RNF213: variants seen among roughly 807,000 people sequenced by gnomAD.
RNF213 encodes E3 ubiquitin-protein ligase RNF213.
RNF213 carries 341 observed loss-of-function variants against 514.4 expected under a neutral mutation model. The ratio of observed to expected loss-of-function variants is 0.66; its 90% confidence interval spans 0.61 to 0.73. RNF213 has a LOEUF of 0.73. RNF213 is among the 30% of genes least tolerant of loss of function. The pLI, the probability that RNF213 is intolerant of heterozygous loss-of-function variation, is 0.00. For synonymous variants in RNF213, 2,655 were observed against 2,658.2 expected, an observed-to-expected ratio of 1.00 and a Z score of 0.04; for missense variants, 5,767 against 6,615.6, an observed-to-expected ratio of 0.87 and a Z score of 4.45.
At position 80,381,389 on chromosome 17, in the gene RNF213, G is replaced by C. The variant is rs2079995337; in HGVS notation, c.13798-158G>C. 5.2e-6 allele frequency: 4 copies of C among 776,600 alleles called. No homozygotes were observed. In the East Asian group the frequency reaches 1.0e-4, roughly 20 times the overall value. 48.1% of individuals were successfully genotyped at this position (776,600 alleles called of 1,614,324 possible). Reference sequence around the variant, plus strand: ...AGAAAAGCCAGCAGCCGTTCCGCTTGCTAGCCTTCCTTTCACCTGGATCAC... The same window carrying C: ...AGAAAAGCCAGCAGCCGTTCCGCTTCCTAGCCTTCCTTTCACCTGGATCAC... On this transcript the variant is annotated intron_variant, in intron 56 of 67. Transcript: ENST00000582970.
At position 80,339,594 on chromosome 17, in the gene RNF213, AG is replaced by A; in HGVS notation, c.5230del (p.Ala1744ProfsTer14). ...CAACTGCACCCTGAGGGATGTCTTA[AG>A]GGCCTCTGTGGGGTGTGGGAGTGAG... ...KSNCTLRDVL[R>X]ASVGCGSEAA... On this transcript the variant is annotated frameshift_variant, in exon 26 of 68. Coordinates refer to ENST00000582970, the MANE Select transcript of RNF213 (RefSeq NM_001256071.3). LOFTEE classifies it high-confidence loss of function. 1 of 1,537,210 alleles carries A rather than the reference AG, an allele frequency of 6.5e-7. No homozygotes were observed. The highest frequency in any genetic ancestry group is 8.7e-7 in the Non-Finnish European group (1 of 1,146,898).
intron 8 of RNF213, among the ~76,000 whole-genome samples, chr17:80,292,800 C>A (rs370878729): frequency 6.6e-6 from 1 of 152,112 alleles, no homozygotes; most frequent in Admixed American, 6.5e-5. Context: ...CCTCGCTCCC[C>A]CTCCCTGCAC....
chr17:80,326,634 C>A (rs140796877), intron 18 of RNF213, among the ~76,000 whole-genome samples: 29 of 152,284 alleles, frequency 1.9e-4, no homozygotes, highest in African/African-American at 5.1e-4. Context: ...TCCAGAATGT[C>A]CTATGGTTGG....
At chr17:80,386,138 C>G in intron 61 of RNF213, 112 bp from the exon 62 acceptor site, 1 of 1,044,900 alleles carries the variant, frequency 9.6e-7, no homozygotes, top group Non-Finnish European at 1.5e-6. Context: ...AACCGAGACC[C>G]GGCTCCCGGC....
At chr17:80,326,875 G>A (rs532186904) in intron 18 of RNF213, among the ~76,000 whole-genome samples, 2 of 152,196 alleles carry the variant, frequency 1.3e-5, no homozygotes, top group African/African-American at 4.8e-5. Flanking sequence ...TTCTTATGGT[G>A]CAGATAAGCT....
At chr17:80,367,654 C>G in intron 42 of RNF213, 94 bp from the exon 43 acceptor site, 2 of 919,060 alleles carry the variant, frequency 2.2e-6, no homozygotes, top group South Asian at 2.7e-5. Context: ...CACGGCGCAG[C>G]CTTGGCCCTG....
intron 15 of RNF213, among the ~76,000 whole-genome samples, chr17:80,316,949 G>T (rs2045967291): frequency 6.6e-6 from 1 of 152,262 alleles, no homozygotes; most frequent in Non-Finnish European, 1.5e-5. Context: ...AAAGCCGGTT[G>T]TGCAGTAGGA....
Position 80,317,094 on chromosome 17 carries a change from G to A in RNF213, c.2812-94G>A, listed in dbSNP as rs1017980371. The A allele has an allele frequency of 3.7e-6, 5 of 1,358,366 alleles. No individual in the cohort carries two copies. The African/African-American group carries it at 7.1e-5, about 19-fold the overall frequency. 84.1% of individuals were successfully genotyped at this position (1,358,366 alleles called of 1,614,324 possible). ...GTGTTCGCGGAGTCCCGCGCTCTCT[G>A]TATTGCCGTAATGCTCTGTCTTTCT... On this transcript the variant is annotated intron_variant, in intron 15 of 67. Transcript: ENST00000582970. The surrounding 1 kb of genome is among the most constrained non-coding windows in gnomAD (Gnocchi z 4.1).
At position 80,263,550 on chromosome 17, in the gene RNF213, G is replaced by T; in HGVS notation, c.-108-24G>T. On this transcript the variant is annotated intron_variant, in intron 1 of 67. Transcript: ENST00000582970. This position sits in a 1 kb window ranked among gnomAD's most constrained non-coding sequence, Gnocchi z 4.9. ...TTCCATTAACCAGGGGACCAGCTGG[G>T]CTGCTGTGATTTCACTTTCGCAGAA... The T allele has an allele frequency of 1.3e-6, 1 of 785,526 alleles. No individual in the cohort carries two copies. Among genetic ancestry groups the T allele is most frequent in the South Asian group, 1.4e-5 (1 of 70,624 alleles). 48.7% of individuals were successfully genotyped at this position (785,526 alleles called of 1,614,324 possible). A position where few individuals can be genotyped will look rare whatever the true frequency, so the allele number is the denominator to read the frequency against.
At chr17:80,367,561 A>G (rs1266409897) in intron 42 of RNF213, among the ~76,000 whole-genome samples, 187 bp from the exon 43 acceptor site, 1 of 152,202 alleles carries the variant, frequency 6.6e-6, no homozygotes, top group Non-Finnish European at 1.5e-5. Flanking sequence ...TCCCCTGACA[A>G]GCAGCATAAT....
intron 2 of RNF213, among the ~76,000 whole-genome samples, chr17:80,269,523 C>CTA (rs150952793): frequency 0.012 from 1,775 of 148,866 alleles, 2 homozygotes; most frequent in East Asian, 0.062. Context: ...TCCATCCATC[C>CTA]TCTTTCTATT....
At position 80,288,391 on chromosome 17, in the gene RNF213, G is replaced by C. The variant is rs114066464; in HGVS notation, c.810+28G>C. 6.2e-7 allele frequency: 1 copy of C among 1,609,956 alleles called. No individual in the cohort carries two copies. The highest frequency in any genetic ancestry group is 1.1e-5 in the South Asian group (1 of 91,004). ...GAGTCATCCGGGAGAGATGGCCTGG[G>C]AGTGGCACTGAGCCCTCGGCACCTG... On this transcript the variant is annotated intron_variant, in intron 4 of 67. Coordinates refer to ENST00000582970, the MANE Select transcript of RNF213 (RefSeq NM_001256071.3). The surrounding 1 kb of genome is among the most constrained non-coding windows in gnomAD (Gnocchi z 4.9).
chr17:80,266,086 C>T (rs2043601421), intron 2 of RNF213, among the ~76,000 whole-genome samples: 1 of 152,026 alleles, frequency 6.6e-6, no homozygotes, highest in Admixed American at 6.6e-5. Flanking sequence ...TTTCATGTTG[C>T]AGCTGGTAGA....
rs1382969984 is a variant in RNF213 at position 80,353,129 on chromosome 17, G to A, written c.10423+70G>A. The A allele has an allele frequency of 9.4e-6, 15 of 1,593,956 alleles. No individual in the cohort carries two copies. The highest frequency in any genetic ancestry group is 1.7e-4 in the Middle Eastern group (1 of 6,054). On this transcript the variant is annotated intron_variant, in intron 33 of 67. Transcript: ENST00000582970. This position sits in a 1 kb window ranked among gnomAD's most constrained non-coding sequence, Gnocchi z 5.0. ...GCAGATGGCAGGTGTGGAGCGTGGC[G>A]TGCACATGGCACTAGGAGCAGGGCC...
intron 59 of RNF213, 91 bp downstream of exon 59, chr17:80,384,019 T>A: frequency 2.0e-6 from 3 of 1,484,176 alleles, no homozygotes; most frequent in Non-Finnish European, 2.8e-6. Flanking sequence ...AGTATAATCA[T>A]TCTTAACAGA....
chr17:80,389,726 G>A, intron 65 of RNF213, 102 bp from the exon 66 acceptor site: 1 of 970,472 alleles, frequency 1.0e-6, no homozygotes, highest in Admixed American at 1.7e-5. Context: ...GCAGAACGAA[G>A]AGAAGAATGC....
At chr17:80,354,785 A>C in intron 36 of RNF213, 1 of 619,340 alleles carries the variant, frequency 1.6e-6, no homozygotes, top group Non-Finnish European at 2.8e-6. Context: ...TCTTCCTCTA[A>C]TTTCGTGTTT....
intron 47 of RNF213, 64 bp from the exon 48 acceptor site, chr17:80,372,457 G>A: frequency 1.7e-6 from 2 of 1,196,066 alleles, no homozygotes; most frequent in South Asian, 1.3e-5. Context: ...GGCGACTGTA[G>A]AAGCTTGGGG....
intron 26 of RNF213, among the ~76,000 whole-genome samples, chr17:80,342,327 G>A (rs61673418): frequency 0.048 from 7,235 of 152,246 alleles, 196 homozygotes; most frequent in Middle Eastern, 0.058. Context: ...GCTAAGTGGC[G>A]CGGGACTCTG....
Sources: allele counts gnomAD v4.1 joint callset (sites outside exome capture counted in the v4.1 genomes callset), GRCh38; gene constraint gnomAD v4.1.1; non-coding constraint Gnocchi (gnomAD v3.1); transcripts MANE v1.5; gene names NCBI Gene and HGNC (gene_info 2026-07-23, HGNC 2026-07-21).